Variants in KCNJ4 observed in about 807,000 individuals in gnomAD.
The protein encoded by KCNJ4 is inward rectifier potassium channel 4.
Under a neutral mutation model 25.6 loss-of-function variants are expected in KCNJ4, and 3 were observed. That is an observed-to-expected ratio of 0.12 (90% confidence interval 0.05 to 0.30). The LOEUF (loss-of-function observed/expected upper bound fraction) is 0.30. Ranked by LOEUF, KCNJ4 falls within the 10% of genes least tolerant of loss-of-function variation. The probability of loss-of-function intolerance (pLI) is 1.00; values close to 1 mark genes in which losing one functional copy is unlikely to be tolerated. For missense variants in KCNJ4, 286 were observed against 666.8 expected, an observed-to-expected ratio of 0.43 and a Z score of 6.29; for synonymous variants, 257 against 283.9, an observed-to-expected ratio of 0.91 and a Z score of 0.95.
At chr22:38,451,213 A>G (rs897277966) in intron 1 of KCNJ4, among the ~76,000 whole-genome samples, 1 of 152,166 alleles carries the variant, frequency 6.6e-6, no homozygotes, top group Admixed American at 6.5e-5. Flanking sequence ...GGATTTTGGA[A>G]GTGGGGATGT....
chr22:38,448,374 C>T (rs577065346), intron 1 of KCNJ4, among the ~76,000 whole-genome samples: 10 of 152,246 alleles, frequency 6.6e-5, no homozygotes, highest in South Asian at 6.2e-4. Flanking sequence ...GGGTGGCCCC[C>T]GATACACAGA....
chr22:38,449,207 T>C lies in KCNJ4; in HGVS notation c.-40+5773A>G, dbSNP rs1319573709. On this transcript the variant is annotated intron_variant, in intron 1 of 1. Transcript: ENST00000303592. The surrounding 1 kb of genome is among the most constrained non-coding windows in gnomAD (Gnocchi z 5.2). ...AAGGGGAGGCCTAGGCTGGCAGACA[T>C]GTACCCACCTCCCTTCAGGTGGCCA... Among the ~76,000 whole-genome samples the C allele has an allele frequency of 6.6e-6, 1 of 152,074 alleles. No individual in the cohort carries two copies. The highest frequency in any genetic ancestry group is 2.4e-5 in the African/African-American group (1 of 41,432).
chr22:38,447,003 AGGGGGT>A (rs1217511945), intron 1 of KCNJ4, among the ~76,000 whole-genome samples: 11 of 150,902 alleles, frequency 7.3e-5, no homozygotes, highest in African/African-American at 2.7e-4. Context: ...CTTACGGGGC[AGGGGGT>A]AAAGGCTCAG....
intron 1 of KCNJ4, among the ~76,000 whole-genome samples, chr22:38,432,280 T>TAAATAAATAAATAAATAAATAAATA (rs1555917613): frequency 1.9e-4 from 28 of 147,174 alleles, no homozygotes; most frequent in African/African-American, 6.7e-4. Context: ...AATAAATAAA[T>TAAATAAATAAATAAATAAATAAATA]AAATAAAATA....
intron 1 of KCNJ4, among the ~76,000 whole-genome samples, chr22:38,452,354 A>G (rs1437602186): frequency 6.6e-6 from 1 of 152,118 alleles, no homozygotes; most frequent in African/African-American, 2.4e-5. Flanking sequence ...GGGGGCTGGC[A>G]ACATGACCTG....
At chr22:38,452,232 A>T (rs1569125548) in intron 1 of KCNJ4, among the ~76,000 whole-genome samples, 1 of 152,190 alleles carries the variant, frequency 6.6e-6, no homozygotes, top group Non-Finnish European at 1.5e-5. Context: ...GCCGTTCTCT[A>T]TACAGATGTG....
At chr22:38,450,365 G>C (rs2089403558) in intron 1 of KCNJ4, among the ~76,000 whole-genome samples, 1 of 152,104 alleles carries the variant, frequency 6.6e-6, no homozygotes, top group African/African-American at 2.4e-5. Flanking sequence ...ATGGATGGGT[G>C]GACATCACTC....
At chr22:38,436,185 A>T (rs1039696454) in intron 1 of KCNJ4, among the ~76,000 whole-genome samples, 2 of 152,238 alleles carry the variant, frequency 1.3e-5, no homozygotes, top group South Asian at 4.1e-4. Flanking sequence ...CTAGGACTGT[A>T]ATGAGGACAA....
Position 38,454,986 on chromosome 22 carries a change from G to A in KCNJ4, c.-46C>T, listed in dbSNP as rs2089431832. 1 of 151,852 alleles carries A rather than the reference G, an allele frequency of 6.6e-6. No homozygotes were observed. Among genetic ancestry groups the A allele is most frequent in the East Asian group, 1.9e-4 (1 of 5,166 alleles). The allele number at this position is 151,852 out of a possible 1,614,324, so 9.4% of individuals were successfully genotyped here. On this transcript the variant is annotated 5_prime_UTR_variant, in exon 1 of 2. Coordinates refer to ENST00000303592, the MANE Select transcript of KCNJ4 (RefSeq NM_152868.3). ...GTGGGCGAGCGCGGCTTACCGCTGG[G>A]CGGAGGGTCCGACGAGAGTCCGGGA...
chr22:38,441,184 C>T (rs1023943462), intron 1 of KCNJ4, among the ~76,000 whole-genome samples: 1 of 152,120 alleles, frequency 6.6e-6, no homozygotes, highest in Non-Finnish European at 1.5e-5. Flanking sequence ...CAGAGTTGCC[C>T]GGTAGGCCCT....
In KCNJ4 at chr22:38,438,667, A is replaced by G. The variant is rs1433352393; in HGVS notation, c.-39-10496T>C. Among the ~76,000 whole-genome samples the G allele has an allele frequency of 4.0e-5, 6 of 151,658 alleles. No homozygotes were observed. In the Admixed American group the frequency reaches 4.0e-4, roughly 10 times the overall value. On this transcript the variant is annotated intron_variant, in intron 1 of 1. Coordinates refer to ENST00000303592, the MANE Select transcript of KCNJ4 (RefSeq NM_152868.3). ...TCGCGCCACTGCACTCCAGCCTGGC[A>G]ACAGAGCAAGAGTCCTTCTGAAAAA... is the stretch of plus-strand genomic sequence containing the variant.
chr22:38,442,195 T>C (rs531859812), intron 1 of KCNJ4, among the ~76,000 whole-genome samples: 1 of 152,214 alleles, frequency 6.6e-6, no homozygotes, highest in East Asian at 1.9e-4. Context: ...TGTGGGAAAA[T>C]GCACATGAAA....
intron 1 of KCNJ4, among the ~76,000 whole-genome samples, chr22:38,446,862 C>T (rs1199600504): frequency 6.6e-6 from 1 of 151,214 alleles, no homozygotes; most frequent in Non-Finnish European, 1.5e-5. Context: ...AGGCTGAGGC[C>T]AGAGAATTGC....
At chr22:38,450,906 T>C (rs780016309) in intron 1 of KCNJ4, among the ~76,000 whole-genome samples, 6 of 152,150 alleles carry the variant, frequency 3.9e-5, no homozygotes, top group Non-Finnish European at 8.8e-5. Flanking sequence ...TTTTCCACTC[T>C]TTCCCCAGGG....
intron 1 of KCNJ4, among the ~76,000 whole-genome samples, chr22:38,435,047 A>G (rs1043641132): frequency 2.0e-5 from 3 of 152,086 alleles, no homozygotes; most frequent in Non-Finnish European, 2.9e-5. Context: ...GAGCTGGGGA[A>G]CCCCTTCCAC....
intron 1 of KCNJ4, among the ~76,000 whole-genome samples, chr22:38,441,842 A>C (rs201540012): frequency 6.6e-6 from 1 of 152,188 alleles, no homozygotes; most frequent in East Asian, 1.9e-4. Flanking sequence ...AGCGGCCCAA[A>C]TGCCCATCCA....
intron 1 of KCNJ4, among the ~76,000 whole-genome samples, chr22:38,441,769 G>A (rs1436260974): frequency 6.6e-6 from 1 of 152,180 alleles, no homozygotes; most frequent in African/African-American, 2.4e-5. Flanking sequence ...GCCCTCCTGG[G>A]ACTCCAGCCT....
chr22:38,431,714 C>T (rs1224277442), intron 1 of KCNJ4, among the ~76,000 whole-genome samples: 3 of 152,214 alleles, frequency 2.0e-5, no homozygotes, highest in Admixed American at 6.5e-5. Flanking sequence ...CTGCTGCCAC[C>T]ACAGACCATT....
At chr22:38,442,224 T>A (rs971473700) in intron 1 of KCNJ4, among the ~76,000 whole-genome samples, 1 of 152,190 alleles carries the variant, frequency 6.6e-6, no homozygotes, top group African/African-American at 2.4e-5. Flanking sequence ...AATTAATGTG[T>A]ACACATGCAT....
Sources: allele counts gnomAD v4.1 joint callset (sites outside exome capture counted in the v4.1 genomes callset), GRCh38; gene constraint gnomAD v4.1.1; non-coding constraint Gnocchi (gnomAD v3.1); transcripts MANE v1.5; gene names NCBI Gene and HGNC (gene_info 2026-07-23, HGNC 2026-07-21).